The following MICAL2 variants were observed in gnomAD, a reference collection of about 807,000 sequenced individuals.
The protein encoded by MICAL2 is [F-actin]-monooxygenase MICAL2.
A neutral mutation model predicts 127.3 loss-of-function variants in MICAL2; 77 were observed. The observed-to-expected ratio is 0.60, with a 90% CI of 0.50 to 0.73. The LOEUF (loss-of-function observed/expected upper bound fraction) is 0.73, where lower values mean the gene tolerates loss of function less well. Among genes scored for constraint, MICAL2 ranks in the 30% least tolerant of loss-of-function variants. MICAL2 has a pLI of 0.00. For synonymous variants in MICAL2, 570 were observed against 551.1 expected (o/e 1.03, Z -0.48); for missense variants, 1,351 against 1,434.4 (o/e 0.94, Z 0.94).
In MICAL2 at chr11:12,207,574, C is replaced by A. The variant is rs977884333; in HGVS notation, c.473-449C>A. Among the ~76,000 whole-genome samples the A allele has an allele frequency of 5.3e-5, 8 of 152,184 alleles. No individual in the cohort carries two copies. The East Asian group carries it at 1.5e-3, about 29-fold the overall frequency. On this transcript the variant is annotated intron_variant, in intron 4 of 27. Coordinates refer to ENST00000683283, the MANE Select transcript of MICAL2 (RefSeq NM_001282663.2). ...GGATGTCTAAGAGCTGAGGCGTAGG[C>A]CCCATGTAATGAGTCACTGATCACG...
intron 7 of MICAL2, 88 bp downstream of exon 7, chr11:12,213,498 C>T (rs1855778076): frequency 7.3e-7 from 1 of 1,361,176 alleles, no homozygotes; most frequent in African/African-American, 1.5e-5. Flanking sequence ...GCTTTCTGGG[C>T]TCTTGGGCCT....
intron 2 of MICAL2, among the ~76,000 whole-genome samples, chr11:12,283,329 T>C (rs867016697): frequency 1.1e-4 from 15 of 141,076 alleles, no homozygotes; most frequent in African/African-American, 3.8e-4. Context: ...GACTCCTGGT[T>C]GCAGTGTGGA....
chr11:12,342,747 G>T (rs1162606537), intron 32 of MICAL2, among the ~76,000 whole-genome samples: 5 of 152,238 alleles, frequency 3.3e-5, no homozygotes, highest in African/African-American at 1.2e-4. Context: ...ATTTTCCACA[G>T]GAGGAGACTC....
At chr11:12,175,445 C>A (rs1856729943) in intron 3 of MICAL2, among the ~76,000 whole-genome samples, 1 of 152,062 alleles carries the variant, frequency 6.6e-6, no homozygotes, top group South Asian at 2.1e-4. Context: ...CACTCCACTC[C>A]AGCCCGGGCA....
intron 2 of MICAL2, among the ~76,000 whole-genome samples, chr11:12,148,731 G>A (rs559568478): frequency 3.3e-5 from 5 of 152,216 alleles, no homozygotes; most frequent in African/African-American, 1.2e-4. Flanking sequence ...AGTCAGGTGA[G>A]GTAGGAGGGG....
intron 15 of MICAL2, among the ~76,000 whole-genome samples, chr11:12,235,242 C>T (rs922073483): frequency 3.3e-5 from 5 of 152,190 alleles, no homozygotes; most frequent in Admixed American, 2.6e-4. Context: ...AGCATCAGCT[C>T]GGCCTCCAGA....
intron 29 of MICAL2, among the ~76,000 whole-genome samples, chr11:12,311,149 T>G (rs936099504): frequency 6.6e-6 from 1 of 152,156 alleles, no homozygotes; most frequent in Non-Finnish European, 1.5e-5. Context: ...TTTGACTCCT[T>G]CTTTTCCAGT....
intron 15 of MICAL2, among the ~76,000 whole-genome samples, chr11:12,233,577 G>A (rs7943564): frequency 0.021 from 3,164 of 152,252 alleles, 123 homozygotes; most frequent in African/African-American, 0.073. Flanking sequence ...TGTTCAGATT[G>A]GCAGATATCT....
intron 29 of MICAL2, among the ~76,000 whole-genome samples, chr11:12,316,187 A>G (rs1157892678): frequency 3.3e-5 from 5 of 152,010 alleles, no homozygotes; most frequent in African/African-American, 1.2e-4. Context: ...TAGACAATAT[A>G]TAGCAGGTTC....
At chr11:12,313,659 A>G (rs991280373) in intron 29 of MICAL2, among the ~76,000 whole-genome samples, 1 of 152,270 alleles carries the variant, frequency 6.6e-6, no homozygotes, top group East Asian at 1.9e-4. Context: ...TTGCTTATCA[A>G]TTAGGTCAAA....
chr11:12,167,794 A>C (rs1013737698), intron 3 of MICAL2, among the ~76,000 whole-genome samples: 2 of 152,140 alleles, frequency 1.3e-5, no homozygotes, highest in African/African-American at 4.8e-5. Context: ...CAATGGTTGC[A>C]TTTGTTACCA....
chr11:12,180,849 T>C (rs1205735288), intron 3 of MICAL2, among the ~76,000 whole-genome samples: 1 of 152,102 alleles, frequency 6.6e-6, no homozygotes, highest in Non-Finnish European at 1.5e-5. Flanking sequence ...GTACACTATT[T>C]CTTCAACAGT....
At chr11:12,338,269 C>A (rs1215174614) in intron 32 of MICAL2, among the ~76,000 whole-genome samples, 3 of 151,976 alleles carry the variant, frequency 2.0e-5, no homozygotes, top group South Asian at 4.1e-4. Context: ...AGAGACTAGG[C>A]TTGCAACCCC....
At chr11:12,226,423 G>C in intron 14 of MICAL2, 53 bp downstream of exon 14, 1 of 1,563,292 alleles carries the variant, frequency 6.4e-7, no homozygotes, top group Non-Finnish European at 8.8e-7. Flanking sequence ...CTCTGTCCCT[G>C]TCTCTGAGTC....
intron 32 of MICAL2, among the ~76,000 whole-genome samples, chr11:12,328,785 C>A (rs1331612101): frequency 2.6e-5 from 4 of 152,150 alleles, no homozygotes; most frequent in Admixed American, 6.5e-5. Context: ...GATTTCAATT[C>A]TTTAAGAGTC....
At chr11:12,290,784 G>A (rs1389547), downstream of MICAL2, among the ~76,000 whole-genome samples, 5,620 of 152,270 alleles carry the variant, frequency 0.037, 428 homozygotes, top group East Asian at 0.36. Flanking sequence ...CAGAGCCCAC[G>A]GCTGGGACAC....
rs559857637 is a variant in MICAL2, at chr11:12,358,220, C to G, written c.5690-75C>G. ...AAAGGCAGAACAAGTCCATAACAAT[C>G]GAGAATGTCCATGCCAAGAACTCTG... On this transcript the variant is annotated intron_variant, in intron 34 of 34. Transcript: ENST00000646065. 5 of 1,424,374 alleles carry G rather than the reference C, an allele frequency of 3.5e-6. No individual in the cohort carries two copies. In the African/African-American group the frequency reaches 4.3e-5, roughly 12 times the overall value. The allele number at this position is 1,424,374 out of a possible 1,614,324, so 88.2% of individuals were successfully genotyped here.
At chr11:12,172,977 T>C (rs1284226206) in intron 3 of MICAL2, among the ~76,000 whole-genome samples, 1 of 152,162 alleles carries the variant, frequency 6.6e-6, no homozygotes, top group Non-Finnish European at 1.5e-5. Context: ...ATATATAACA[T>C]ACATAGTTAT....
At chr11:12,199,428 G>A (rs985242903) in intron 3 of MICAL2, among the ~76,000 whole-genome samples, 1 of 152,174 alleles carries the variant, frequency 6.6e-6, no homozygotes, top group African/African-American at 2.4e-5. Context: ...TCGCTGCAGT[G>A]TCTGCACACA....
Sources: allele counts gnomAD v4.1 joint callset (sites outside exome capture counted in the v4.1 genomes callset), GRCh38; gene constraint gnomAD v4.1.1; transcripts MANE v1.5; gene names NCBI Gene and HGNC (gene_info 2026-07-23, HGNC 2026-07-21).